Variants in ASTL observed in about 807,000 individuals in gnomAD.
The protein encoded by ASTL is astacin-like metalloendopeptidase.
Under a neutral mutation model 36.7 loss-of-function variants are expected in ASTL, and 27 were observed. The observed-to-expected ratio is 0.73, with a 90% CI of 0.54 to 1.01. The LOEUF (loss-of-function observed/expected upper bound fraction) is 1.01. Among genes scored for constraint, ASTL ranks in the 50% least tolerant of loss-of-function variants. The pLI is 0.00. For synonymous variants in ASTL, 222 were observed against 228.1 expected, an observed-to-expected ratio of 0.97 and a Z score of 0.24; for missense variants, 524 against 572.8, an observed-to-expected ratio of 0.91 and a Z score of 0.87.
At chr2:96,130,204 CA>C (rs1232077574) in intron 6 of ASTL, 59 bp from the exon 7 acceptor site, 3 of 1,380,680 alleles carry the variant, frequency 2.2e-6, no homozygotes, top group Non-Finnish European at 3.1e-6. Context: ...CAAGAAAGGG[CA>C]GGCAATGGCT....
Position 96,137,650 on chromosome 2 carries a change from T to C in ASTL, c.106A>G (p.Thr36Ala), listed in dbSNP as rs936329603. 3 of 1,613,872 alleles carry C rather than the reference T, an allele frequency of 1.9e-6. No individual in the cohort carries two copies. The highest frequency in any genetic ancestry group is 1.1e-5 in the South Asian group (1 of 91,082). Residue 36 changes from threonine (T) to alanine (A), a missense_variant, in exon 2 of 9, where the codon ACC (threonine) becomes GCC (alanine). By Grantham distance (58) the Thr-to-Ala change is moderately conservative. Transcript: ENST00000342380. ...GGGGTGAGGCCATCTGGGAAGCTGGTACCACAGGCTCCTGCGCAGCTGGAG... is the reference window on the plus strand; with the variant it reads ...GGGGTGAGGCCATCTGGGAAGCTGGCACCACAGGCTCCTGCGCAGCTGGAG... The part of the protein sequence containing the change: ...LASSCAGACG[T>A]SFPDGLTPEG...
chr2:96,128,899 G>A (rs574514695), intron 8 of ASTL, among the ~76,000 whole-genome samples: 2 of 152,258 alleles, frequency 1.3e-5, no homozygotes, highest in South Asian at 4.2e-4. Flanking sequence ...AATTAGTTGG[G>A]TGTGGTGGCA....
Position 96,124,506 on chromosome 2 carries a change from A to C in ASTL, c.875-235T>G, listed in dbSNP as rs1436878481. 6.6e-6 allele frequency among the ~76,000 whole-genome samples: 1 copy of C among 151,980 alleles called. No individual in the cohort carries two copies. The highest frequency in any genetic ancestry group is 2.1e-4 in the South Asian group (1 of 4,820). ...AGAATGTCAGTCCACTCAGGCTTCC[A>C]CCACTGCCCCATTCACACCCGAGAC... On this transcript the variant is annotated intron_variant, in intron 8 of 8. Transcript: ENST00000342380. The surrounding 1 kb of genome is among the most constrained non-coding windows in gnomAD (Gnocchi z 4.1).
intron 8 of ASTL, among the ~76,000 whole-genome samples, chr2:96,126,116 G>C (rs185119065): frequency 7.0e-4 from 107 of 152,258 alleles, no homozygotes; most frequent in Non-Finnish European, 1.3e-3. Flanking sequence ...CCATGACCTC[G>C]GGTTAGGCAA....
At chr2:96,135,280 G>C in intron 3 of ASTL, 71 bp downstream of exon 3, 1 of 1,319,116 alleles carries the variant, frequency 7.6e-7, no homozygotes, top group Non-Finnish European at 1.1e-6. Flanking sequence ...ATGGCATCCA[G>C]GGTGGGCTCA....
rs774149667 is a variant in ASTL at position 96,132,615 on chromosome 2, G to T, written c.562C>A (p.Leu188Met). 3.1e-6 allele frequency: 5 copies of T among 1,613,448 alleles called. No homozygotes were observed. The highest frequency in any genetic ancestry group is 4.2e-6 in the Non-Finnish European group (5 of 1,179,622). Residue 188 changes from leucine to methionine, a missense_variant, in exon 6 of 9, where the codon CTG becomes ATG. Physicochemically the swap from Leu to Met is conservative, Grantham distance 15 (BLOSUM62 2). Coordinates refer to ENST00000342380, the MANE Select transcript of ASTL (RefSeq NM_001002036.4). The surrounding 1 kb of genome is among the most constrained non-coding windows in gnomAD (Gnocchi z 5.4). Reference protein sequence around the residue: ...GIVLHELMHVLGFWHEHTRAD... With the variant: ...GIVLHELMHVMGFWHEHTRAD... ...CGCGTGTGCTCGTGCCAGAAGCCCA[G>T]CACATGCATGAGCTCATGAAGGACA... is the stretch of plus-strand genomic sequence containing the variant.
intron 5 of ASTL, 77 bp downstream of exon 5, chr2:96,133,348 T>G: frequency 9.4e-7 from 1 of 1,065,538 alleles, no homozygotes. Context: ...CAGGAATACA[T>G]TTTAGACAAT....
At chr2:96,126,177 C>T (rs1558713551) in intron 8 of ASTL, among the ~76,000 whole-genome samples, 2 of 151,970 alleles carry the variant, frequency 1.3e-5, no homozygotes, top group Non-Finnish European at 2.9e-5. Context: ...GTTGGACTTC[C>T]AAATTTAAGA....
rs557032691 is a variant in ASTL at position 96,133,642 on chromosome 2, G to A, written c.338-100C>T. The A allele has an allele frequency of 1.5e-5, 13 of 895,558 alleles. No individual in the cohort carries two copies. In the African/African-American group the frequency reaches 2.1e-4, roughly 15 times the overall value. The allele number at this position is 895,558 out of a possible 1,614,324, so 55.5% of individuals were successfully genotyped here. A position where few individuals can be genotyped will look rare whatever the true frequency, so the allele number is the denominator to read the frequency against. On this transcript the variant is annotated intron_variant, in intron 4 of 8. Transcript: ENST00000342380. ...GCTCTGAACTCACTCTCCCAAAATA[G>A]CATCAAGAAAGGGCAGCTTAGTGGT... is the stretch of plus-strand genomic sequence containing the variant.
chr2:96,135,035 TCTGAGCACCTCCCGAGTG>T (rs1359910038), intron 3 of ASTL, among the ~76,000 whole-genome samples: 9 of 152,190 alleles, frequency 5.9e-5, no homozygotes, highest in Non-Finnish European at 1.2e-4. Context: ...TCTTCCTTTA[TCTGAGCACCTCCCGAGTG>T]CTGAGCACCT....
Position 96,134,075 on chromosome 2 carries a change from A to AT in ASTL, c.244-18_244-17insA, listed in dbSNP as rs758535926. ...GAAGGGACTCTGAGGAGAGAGCAGCAGTTCAACCCCTGGGGACAGAGGCCA... is the reference window on the plus strand; with the variant it reads ...GAAGGGACTCTGAGGAGAGAGCAGCATGTTCAACCCCTGGGGACAGAGGCCA... On this transcript the variant is annotated splice_polypyrimidine_tract_variant and intron_variant, in intron 3 of 8. Transcript: ENST00000342380. 3 of 1,591,970 alleles carry AT rather than the reference A, an allele frequency of 1.9e-6. No individual in the cohort carries two copies. In the African/African-American group the frequency reaches 4.0e-5, roughly 21 times the overall value.
rs532481120 is a variant in ASTL, at chr2:96,133,993, C to G, written c.309G>C (p.Glu103Asp). The change falls in exon 4 of 9, where the codon GAG becomes GAC. Residue 103 changes from glutamate (E) to aspartate (D), a missense_variant. Physicochemically the swap from Glu to Asp is conservative, Grantham distance 45 (BLOSUM62 2). Coordinates refer to ENST00000342380, the MANE Select transcript of ASTL (RefSeq NM_001002036.4). ...ACTTGCTGGAGAGCAGGAAGGGGAC[C>G]TCCACGACACCACTACCACCCATGG... Reference protein sequence around the residue: ...KWPMGGSGVVEVPFLLSSKYD... With the variant: ...KWPMGGSGVVDVPFLLSSKYD... The G allele has an allele frequency of 3.7e-6, 6 of 1,613,960 alleles. No homozygotes were observed. The highest frequency in any genetic ancestry group is 5.1e-6 in the Non-Finnish European group (6 of 1,179,838).
rs1005203481 is a variant in ASTL, at chr2:96,132,232, C to CA, written c.637+307dup. Among the ~76,000 whole-genome samples the CA allele has an allele frequency of 2.6e-5, 4 of 152,254 alleles. No homozygotes were observed. The highest frequency in any genetic ancestry group is 9.6e-5 in the African/African-American group (4 of 41,466). ...GTACTCAACAAGCAGGTATCATGGGCACTGCCTGCCCCATCGCCAGGGAGA... is the reference window on the plus strand; with the variant it reads ...GTACTCAACAAGCAGGTATCATGGGCAACTGCCTGCCCCATCGCCAGGGAGA... On this transcript the variant is annotated intron_variant, in intron 6 of 8. Transcript: ENST00000342380. This position sits in a 1 kb window ranked among gnomAD's most constrained non-coding sequence, Gnocchi z 5.4.
Position 96,124,151 on chromosome 2 carries a change from C to T in ASTL, c.995G>A (p.Gly332Asp). The T allele has an allele frequency of 6.4e-7, 1 of 1,561,944 alleles. No homozygotes were observed. The highest frequency in any genetic ancestry group is 8.7e-7 in the Non-Finnish European group (1 of 1,154,146). ...CCCAGGCCCTGCAGGAACGGGCTGGCCTCCCGCACTGGAACCACTGGGGTC... is the reference window on the plus strand; with the variant it reads ...CCCAGGCCCTGCAGGAACGGGCTGGTCTCCCGCACTGGAACCACTGGGGTC... ...SPDPSGSSAGGQPVPAGPGES... is the reference protein window; with the variant it reads ...SPDPSGSSAGDQPVPAGPGES... Residue 332 changes from glycine (G) to aspartate (D), a missense_variant, in exon 9 of 9, where the codon GGC becomes GAC. Coordinates refer to ENST00000342380, the MANE Select transcript of ASTL (RefSeq NM_001002036.4). This position sits in a 1 kb window ranked among gnomAD's most constrained non-coding sequence, Gnocchi z 4.1.
chr2:96,130,477 G>C (rs1446744115), intron 6 of ASTL, among the ~76,000 whole-genome samples: 1 of 152,202 alleles, frequency 6.6e-6, no homozygotes, highest in African/African-American at 2.4e-5. Context: ...GTCCCACACT[G>C]CTCAGGGTCT....
At chr2:96,129,785 T>A (rs747268709) in intron 8 of ASTL, 39 bp downstream of exon 8, 4 of 1,507,778 alleles carry the variant, frequency 2.7e-6, no homozygotes, top group Non-Finnish European at 3.5e-6. Context: ...CACAGGCGCC[T>A]TCTCCAGGTT....
At chr2:96,133,282 C>T (rs1472380321) in intron 5 of ASTL, 143 bp downstream of exon 5, 1 of 704,154 alleles carries the variant, frequency 1.4e-6, no homozygotes, top group Non-Finnish European at 2.6e-6. Context: ...AGGTCCAGCT[C>T]ACACTTGGCA....
chr2:96,132,339 G>A lies in ASTL; in HGVS notation c.637+201C>T, dbSNP rs1014598005. On this transcript the variant is annotated intron_variant, in intron 6 of 8. Transcript: ENST00000342380. This position sits in a 1 kb window ranked among gnomAD's most constrained non-coding sequence, Gnocchi z 5.4. ...CACAACTACAGGTGGGTAGAGGAAG[G>A]CCTGGGGCCCAGAGCAGCACCCAGA... is the stretch of plus-strand genomic sequence containing the variant. 1.3e-5 allele frequency among the ~76,000 whole-genome samples: 2 copies of A among 152,232 alleles called. No individual in the cohort carries two copies. Among genetic ancestry groups the A allele is most frequent in the African/African-American group, 4.8e-5 (2 of 41,460 alleles).
chr2:96,129,710 G>A, intron 8 of ASTL, 114 bp downstream of exon 8: 1 of 1,041,068 alleles, frequency 9.6e-7, no homozygotes, highest in Non-Finnish European at 1.4e-6. Context: ...AAGCCCCCGT[G>A]ATCTCACCCT....
Sources: allele counts gnomAD v4.1 joint callset (sites outside exome capture counted in the v4.1 genomes callset), GRCh38; gene constraint gnomAD v4.1.1; non-coding constraint Gnocchi (gnomAD v3.1); transcripts MANE v1.5; gene names NCBI Gene and HGNC (gene_info 2026-07-23, HGNC 2026-07-21).